The following DRC8 variants were observed in gnomAD, a reference collection of about 807,000 sequenced individuals.
DRC8 encodes dynein regulatory complex protein 8.
chr1:245,098,153 A>C, the DRC8 span, among the ~76,000 whole-genome samples: 1 of 152,164 alleles, frequency 6.6e-6, no homozygotes, highest in Non-Finnish European at 1.5e-5. Context: ...GAAGTAGAGA[A>C]AAAGACACCA....
the DRC8 span, among the ~76,000 whole-genome samples, chr1:245,115,161 T>C: frequency 6.6e-6 from 1 of 152,328 alleles, no homozygotes; most frequent in South Asian, 2.1e-4. Flanking sequence ...GCAGTTCTCC[T>C]GCCTCAGCCT....
At chr1:245,047,842 T>G in the DRC8 span, among the ~76,000 whole-genome samples, 1 of 150,814 alleles carries the variant, frequency 6.6e-6, no homozygotes, top group Non-Finnish European at 1.5e-5. Context: ...TGGAACATGG[T>G]GACACGTACC....
chr1:245,044,079 T>C, the DRC8 span: 2 of 152,316 alleles, frequency 1.3e-5, no homozygotes, highest in East Asian at 1.9e-4. Flanking sequence ...TTATTAACAA[T>C]GACAAAAAGA....
chr1:245,006,716 T>A, the DRC8 span, among the ~76,000 whole-genome samples: 1 of 152,172 alleles, frequency 6.6e-6, no homozygotes, highest in African/African-American at 2.4e-5. Flanking sequence ...TGTGGATTGC[T>A]TGAGCTCAGA....
chr1:245,012,883 T>C, the DRC8 span, among the ~76,000 whole-genome samples: 1 of 152,196 alleles, frequency 6.6e-6, no homozygotes, highest in East Asian at 1.9e-4. Flanking sequence ...TGATGAACAT[T>C]CCTAAAAAGA....
At chr1:245,038,403 G>A in the DRC8 span, among the ~76,000 whole-genome samples, 1 of 152,304 alleles carries the variant, frequency 6.6e-6, no homozygotes, top group Admixed American at 6.5e-5. Flanking sequence ...CTGGGAGGCG[G>A]AGCTTGCAGT....
the DRC8 span, among the ~76,000 whole-genome samples, chr1:245,093,589 G>A: frequency 5.7e-4 from 86 of 151,654 alleles, no homozygotes; most frequent in African/African-American, 1.8e-3. Flanking sequence ...CCAGCTACTC[G>A]GGAGGCTGAG....
the DRC8 span, among the ~76,000 whole-genome samples, chr1:244,986,224 G>A: frequency 6.6e-6 from 1 of 151,996 alleles, no homozygotes; most frequent in African/African-American, 2.4e-5. Context: ...CAAAGTGCTG[G>A]GATTACAGGC....
the DRC8 span, chr1:245,087,872 T>G: frequency 3.2e-6 from 2 of 615,854 alleles, no homozygotes; most frequent in African/African-American, 3.9e-5. Flanking sequence ...AAATATCATT[T>G]GGGATAATAA....
the DRC8 span, among the ~76,000 whole-genome samples, chr1:245,121,645 C>T: frequency 6.6e-6 from 1 of 152,200 alleles, no homozygotes; most frequent in African/African-American, 2.4e-5. Context: ...CTACCAAAGG[C>T]CGGGCTGGCC....
chr1:245,104,630 C>T, the DRC8 span, among the ~76,000 whole-genome samples: 1 of 152,170 alleles, frequency 6.6e-6, no homozygotes, highest in East Asian at 1.9e-4. Context: ...CCCTCACCTC[C>T]ATCCTCACCC....
chr1:244,999,112 G>C, the DRC8 span, among the ~76,000 whole-genome samples: 2 of 135,784 alleles, frequency 1.5e-5, no homozygotes, highest in African/African-American at 5.4e-5. Flanking sequence ...GGGAGGGGAA[G>C]AATAGAAGGA....
chr1:244,970,099 T>C, the DRC8 span: 2 of 671,732 alleles, frequency 3.0e-6, no homozygotes, highest in South Asian at 3.2e-5. Flanking sequence ...AAAGGAGGGG[T>C]TGGGGACCGT....
chr1:245,023,627 T>C, the DRC8 span, among the ~76,000 whole-genome samples: 1 of 152,236 alleles, frequency 6.6e-6, no homozygotes, highest in Admixed American at 6.5e-5. Flanking sequence ...GGTATCTCAC[T>C]GGGGCTTTGA....
At chr1:245,120,104 G>T in the DRC8 span, among the ~76,000 whole-genome samples, 1 of 152,030 alleles carries the variant, frequency 6.6e-6, no homozygotes, top group Non-Finnish European at 1.5e-5. Flanking sequence ...TTATTTTTTT[G>T]AATGAATAAA....
chr1:245,054,679 CTT>C, the DRC8 span, among the ~76,000 whole-genome samples: 281 of 152,274 alleles, frequency 1.8e-3, no homozygotes, highest in Middle Eastern at 0.014. Context: ...TCTTCCTTCT[CTT>C]TCCCAGCCAA....
the DRC8 span, among the ~76,000 whole-genome samples, chr1:244,974,937 TA>T: frequency 3.3e-5 from 5 of 152,108 alleles, no homozygotes; most frequent in Non-Finnish European, 5.9e-5. Context: ...TTTTTATTTT[TA>T]TTTTTTTTTT....
the DRC8 span, chr1:244,970,517 G>C: frequency 6.7e-7 from 1 of 1,501,756 alleles, no homozygotes. Flanking sequence ...GAAGCGCCGG[G>C]TGGGGTGGGC....
the DRC8 span, chr1:245,017,135 G>T: frequency 6.2e-6 from 6 of 974,774 alleles, no homozygotes; most frequent in Non-Finnish European, 8.9e-6. Flanking sequence ...ATAAGGAGAG[G>T]GTTCTTCATA....
Sources: allele counts gnomAD v4.1 joint callset (sites outside exome capture counted in the v4.1 genomes callset), GRCh38; gene constraint gnomAD v4.1.1; transcripts MANE v1.5; gene names NCBI Gene and HGNC (gene_info 2026-07-23, HGNC 2026-07-21).